Variants in ITFG1 observed in about 807,000 individuals in gnomAD.
ITFG1 encodes the protein integrin alpha FG-GAP repeat containing 1, also known as T-cell immunomodulatory protein.
Under a neutral mutation model 81.8 loss-of-function variants are expected in ITFG1, and 34 were observed. The observed-to-expected ratio is 0.42, with a 90% CI of 0.32 to 0.55. ITFG1 has a LOEUF of 0.55. Ranked by LOEUF, ITFG1 falls within the 20% of genes least tolerant of loss-of-function variation. The probability of loss-of-function intolerance (pLI) is 0.17; values close to 1 mark genes in which losing one functional copy is unlikely to be tolerated. For missense variants in ITFG1, 672 were observed against 755.4 expected, an observed-to-expected ratio of 0.89 and a Z score of 1.29; for synonymous variants, 285 against 270.6, an observed-to-expected ratio of 1.05 and a Z score of -0.52.
In ITFG1 at chr16:47,299,002, T is replaced by A. The variant is rs955358412; in HGVS notation, c.1070+12238A>T. On this transcript the variant is annotated intron_variant, in intron 10 of 17. Transcript: ENST00000320640. ...GCACTCAGGCCCCCCATGGCAGATG[T>A]ACACACCAGCCCTGAGAGGGGTGGT... is the stretch of plus-strand genomic sequence containing the variant. 2.0e-5 allele frequency among the ~76,000 whole-genome samples: 3 copies of A among 151,944 alleles called. No individual in the cohort carries two copies. In the South Asian group the frequency reaches 6.2e-4, roughly 32 times the overall value.
chr16:47,237,937 T>C, intron 13 of ITFG1, 28 bp downstream of exon 13: 2 of 999,540 alleles, frequency 2.0e-6, no homozygotes, highest in Non-Finnish European at 3.0e-6. Flanking sequence ...TTCATAGACA[T>C]ATTTATAACA....
chr16:47,324,255 G>T (rs1219830218), intron 8 of ITFG1, among the ~76,000 whole-genome samples: 1 of 151,788 alleles, frequency 6.6e-6, no homozygotes, highest in East Asian at 1.9e-4. Flanking sequence ...AAGTGAAGGA[G>T]AAATAAAATA....
intron 10 of ITFG1, among the ~76,000 whole-genome samples, chr16:47,271,600 C>T (rs375800922): frequency 6.6e-6 from 1 of 152,230 alleles, no homozygotes; most frequent in East Asian, 1.9e-4. Context: ...TGGCTCACGC[C>T]TGTGATCCCA....
intron 6 of ITFG1, among the ~76,000 whole-genome samples, chr16:47,410,591 G>C (rs778379801): frequency 6.6e-6 from 1 of 152,102 alleles, no homozygotes; most frequent in Non-Finnish European, 1.5e-5. Flanking sequence ...GTCTGAAGAG[G>C]GAGGAAGCTG....
At chr16:47,428,773 C>T (rs763810640) in intron 6 of ITFG1, 31 bp downstream of exon 6, 2 of 1,375,198 alleles carry the variant, frequency 1.5e-6, no homozygotes. Context: ...TTTGGTAACT[C>T]AAAACAATTC....
intron 5 of ITFG1, among the ~76,000 whole-genome samples, chr16:47,438,038 C>T (rs949762910): frequency 1.3e-5 from 2 of 152,252 alleles, no homozygotes; most frequent in African/African-American, 2.4e-5. Flanking sequence ...AGATTACATC[C>T]TGCACCTGGC....
Position 47,327,460 on chromosome 16 carries a change from C to A in ITFG1, c.803-13637G>T, listed in dbSNP as rs576527819. Reference sequence around the variant, plus strand: ...ACACCAAAAGCAATGGCAACAAAAGCCAAAATTGACAAATGGGATCTAATT... The same window carrying A: ...ACACCAAAAGCAATGGCAACAAAAGACAAAATTGACAAATGGGATCTAATT... On this transcript the variant is annotated intron_variant, in intron 8 of 17. Transcript: ENST00000320640. Among the ~76,000 whole-genome samples the A allele has an allele frequency of 2.1e-4, 32 of 152,142 alleles. No homozygotes were observed. The East Asian group carries it at 5.8e-3, about 28-fold the overall frequency.
At chr16:47,256,524 C>T (rs1211701758) in intron 12 of ITFG1, among the ~76,000 whole-genome samples, 1 of 152,158 alleles carries the variant, frequency 6.6e-6, no homozygotes, top group Admixed American at 6.5e-5. Context: ...TGTACTTCAA[C>T]TCCAAAATTA....
chr16:47,313,873 T>C (rs1308092855), intron 8 of ITFG1, 50 bp from the exon 9 acceptor site: 2 of 1,011,988 alleles, frequency 2.0e-6, no homozygotes, highest in Non-Finnish European at 1.5e-6. Flanking sequence ...AATAAAGTGT[T>C]CTTGTATGGT....
At chr16:47,330,372 C>CA (rs943998119) in intron 8 of ITFG1, among the ~76,000 whole-genome samples, 5 of 151,990 alleles carry the variant, frequency 3.3e-5, no homozygotes, top group African/African-American at 1.2e-4. Flanking sequence ...CTCTTTGGGA[C>CA]ATGTCCCTAG....
intron 8 of ITFG1, among the ~76,000 whole-genome samples, chr16:47,349,713 A>T (rs1967920671): frequency 6.6e-6 from 1 of 152,222 alleles, no homozygotes. Flanking sequence ...AGCAGACCTA[A>T]CAGACATCTA....
chr16:47,331,247 C>T (rs201869838), intron 8 of ITFG1, among the ~76,000 whole-genome samples: 1 of 152,128 alleles, frequency 6.6e-6, no homozygotes, highest in East Asian at 1.9e-4. Context: ...TTCTCATTTA[C>T]AAGTGGGAGC....
At chr16:47,370,553 G>C (rs929652628) in intron 7 of ITFG1, among the ~76,000 whole-genome samples, 2 of 152,210 alleles carry the variant, frequency 1.3e-5, no homozygotes, top group Non-Finnish European at 2.9e-5. Flanking sequence ...GCAGTTGCTG[G>C]TGTCTCCAAG....
chr16:47,190,466 C>A (rs1965278942), intron 14 of ITFG1, among the ~76,000 whole-genome samples: 1 of 152,114 alleles, frequency 6.6e-6, no homozygotes, highest in Admixed American at 6.5e-5. Flanking sequence ...ACAAAAACAC[C>A]TTTAAATTTT....
chr16:47,294,261 A>G (rs1966952111), intron 10 of ITFG1, among the ~76,000 whole-genome samples: 1 of 152,102 alleles, frequency 6.6e-6, no homozygotes, highest in Non-Finnish European at 1.5e-5. Flanking sequence ...TGGTTACTAT[A>G]GCCTTGTATT....
intron 8 of ITFG1, among the ~76,000 whole-genome samples, chr16:47,344,191 G>C (rs1967821056): frequency 6.6e-6 from 1 of 152,126 alleles, no homozygotes; most frequent in Non-Finnish European, 1.5e-5. Flanking sequence ...ATACATAGTG[G>C]TTAATGATGC....
At chr16:47,260,087 C>T (rs570919703) in intron 11 of ITFG1, among the ~76,000 whole-genome samples, 1 of 152,114 alleles carries the variant, frequency 6.6e-6, no homozygotes, top group South Asian at 2.1e-4. Flanking sequence ...TACAGGCACA[C>T]GCCACCACGC....
chr16:47,330,321 G>A (rs573056897), intron 8 of ITFG1, among the ~76,000 whole-genome samples: 1 of 152,084 alleles, frequency 6.6e-6, no homozygotes, highest in East Asian at 1.9e-4. Flanking sequence ...ATAAATGTAA[G>A]ACCTCAACCT....
At position 47,186,182 on chromosome 16, in the gene ITFG1, C is replaced by G. The variant is rs919947150; in HGVS notation, c.1454-23518G>C. Among the ~76,000 whole-genome samples the G allele has an allele frequency of 4.6e-5, 7 of 152,244 alleles. No homozygotes were observed. In the East Asian group the frequency reaches 1.3e-3, roughly 29 times the overall value. ...TCACAGCCGAATTCTACCAGAGGTA[C>G]AAGGAGGAACTGGTACCATTCCTTC... On this transcript the variant is annotated intron_variant, in intron 14 of 17. Coordinates refer to ENST00000320640, the MANE Select transcript of ITFG1 (RefSeq NM_030790.5).
Sources: gnomAD v4.1 joint callset for allele counts (sites outside exome capture counted in the v4.1 genomes callset) on GRCh38, gnomAD v4.1.1 for gene constraint, MANE v1.5 for transcripts, NCBI Gene and HGNC (gene_info 2026-07-23, HGNC 2026-07-21) for gene names.